AMZ2: variants seen among roughly 807,000 people sequenced by gnomAD.
AMZ2 encodes archaemetzincin-2.
In AMZ2, 26 loss-of-function variants were observed where a neutral mutation model predicts 36.7. The observed-to-expected ratio is 0.71, with a 90% CI of 0.52 to 0.98. The LOEUF is 0.98. AMZ2 is among the 50% of genes least tolerant of loss of function. AMZ2 has a pLI of 0.00. For synonymous variants in AMZ2, 144 were observed against 149.1 expected (o/e 0.97, Z 0.25); for missense variants, 394 against 430.5 (o/e 0.92, Z 0.75).
intron 1 of AMZ2, among the ~76,000 whole-genome samples, chr17:68,220,782 C>T (rs868940174): frequency 4.6e-5 from 6 of 131,812 alleles, no homozygotes; most frequent in East Asian, 2.2e-4. Flanking sequence ...TTTTCTTTCT[C>T]TTTTTTTTTT....
chr17:68,237,067 T>A (rs2073806909), intron 1 of AMZ2, among the ~76,000 whole-genome samples: 1 of 152,246 alleles, frequency 6.6e-6, no homozygotes, highest in Non-Finnish European at 1.5e-5. Flanking sequence ...AGAGCATAAC[T>A]TTATTGAACT....
chr17:68,252,327 A>C (rs1456236690), intron 4 of AMZ2, among the ~76,000 whole-genome samples: 5 of 152,130 alleles, frequency 3.3e-5, no homozygotes, highest in Non-Finnish European at 7.4e-5. Flanking sequence ...TTTATTCTTT[A>C]TTCTCCATTT....
upstream of AMZ2, chr17:68,247,984 G>T: frequency 1.0e-6 from 1 of 984,666 alleles, no homozygotes; most frequent in Non-Finnish European, 1.2e-6. Context: ...GGGCGTGCGC[G>T]ACGCAGCGGC....
intron 1 of AMZ2, among the ~76,000 whole-genome samples, chr17:68,233,739 T>G (rs4968788): frequency 0.13 from 19,114 of 150,528 alleles, 1,568 homozygotes; most frequent in East Asian, 0.32. Context: ...TATTTTTTTT[T>G]GGGACAGGGT....
chr17:68,230,499 T>A (rs1555730971), intron 1 of AMZ2, among the ~76,000 whole-genome samples: 1 of 152,214 alleles, frequency 6.6e-6, no homozygotes, highest in East Asian at 1.9e-4. Flanking sequence ...AGTGGAGTGA[T>A]CTATAGAGGG....
At position 68,237,160 on chromosome 17, in the gene AMZ2, T is replaced by C. The variant is rs537421865; in HGVS notation, c.-66-11480T>C. ...CACTGTGATGAGCCATCCTTATACA[T>C]GGATTCTTTCTGGAATAAGAAATAA... On this transcript the variant is annotated intron_variant, in intron 1 of 7. Coordinates refer to the AMZ2 transcript ENST00000674770. Among the ~76,000 whole-genome samples, 6 of 152,326 alleles carry C rather than the reference T, an allele frequency of 3.9e-5. No homozygotes were observed. In the East Asian group the frequency reaches 7.7e-4, roughly 20 times the overall value.
chr17:68,248,776 G>T (rs1555737361), intron 1 of AMZ2, 71 bp downstream of exon 1: 2 of 994,340 alleles, frequency 2.0e-6, no homozygotes, highest in Non-Finnish European at 2.4e-6. Flanking sequence ...CAGCCCAGTT[G>T]TGTAGGAGTG....
chr17:68,254,445 T>C lies in AMZ2; in HGVS notation c.628T>C (p.Tyr210His). ...CTTTGCCAGGTATGGCAGTGATTTT[T>C]ATAGCATGCACTATAAAGGCAAAGT... The part of the protein sequence containing the change: ...FSFARYGSDF[Y>H]SMHYKGKVKK... The change falls in exon 5 of 7, where the codon TAT becomes CAT. Residue 210 changes from tyrosine to histidine, a missense_variant. Physicochemically the swap from Tyr to His is moderately conservative, Grantham distance 83 (BLOSUM62 2). Transcript: ENST00000359904. 1 of 1,613,430 alleles carries C rather than the reference T, an allele frequency of 6.2e-7. No individual in the cohort carries two copies. The highest frequency in any genetic ancestry group is 1.1e-5 in the South Asian group (1 of 90,956).
intron 1 of AMZ2, among the ~76,000 whole-genome samples, chr17:68,225,716 C>T (rs1205367443): frequency 6.6e-6 from 1 of 151,914 alleles, no homozygotes; most frequent in African/African-American, 2.4e-5. Context: ...TCACCATAAC[C>T]TCCGCCTCCC....
intron 1 of AMZ2, chr17:68,249,916 G>A (rs2074317792): frequency 7.2e-6 from 3 of 418,020 alleles, no homozygotes; most frequent in Non-Finnish European, 1.3e-5. Context: ...TGAAATTACA[G>A]GCATGAGCCA....
At position 68,235,906 on chromosome 17, in the gene AMZ2, T is replaced by G. The variant is rs1555732436; in HGVS notation, c.-66-12734T>G. ...ATGCAGTGGCACAATCTTGGCTCAC[T>G]GCAACCTCCATCTCCCGGGCTCAAG... On this transcript the variant is annotated intron_variant, in intron 1 of 7. Coordinates refer to the AMZ2 transcript ENST00000674770. This position sits in a 1 kb window ranked among gnomAD's most constrained non-coding sequence, Gnocchi z 4.2. Among the ~76,000 whole-genome samples, 2 of 152,080 alleles carry G rather than the reference T, an allele frequency of 1.3e-5. No individual in the cohort carries two copies. The highest frequency in any genetic ancestry group is 1.5e-5 in the Non-Finnish European group (1 of 68,000).
chr17:68,243,705 C>T (rs1260022152), upstream of AMZ2, among the ~76,000 whole-genome samples: 2 of 152,154 alleles, frequency 1.3e-5, no homozygotes, highest in Non-Finnish European at 2.9e-5. Flanking sequence ...TGTTTATACA[C>T]CGTTCTGCCA....
upstream of AMZ2, among the ~76,000 whole-genome samples, chr17:68,243,627 C>T (rs2073947158): frequency 6.6e-6 from 1 of 152,078 alleles, no homozygotes. Flanking sequence ...CTTATTGGGT[C>T]AATAGGTATG....
intron 1 of AMZ2, among the ~76,000 whole-genome samples, chr17:68,212,939 C>A (rs1191084014): frequency 6.6e-6 from 1 of 152,156 alleles, no homozygotes; most frequent in Non-Finnish European, 1.5e-5. Flanking sequence ...CTTTCTACCT[C>A]ATTTGGACTC....
rs1555732409 is a variant in AMZ2 at position 68,235,845 on chromosome 17, TTC to T, written c.-66-12794_-66-12793del. ...GCCCAAAATCTTACTTTTTTTTTTT[TTC>T]GAGATAGTTTCTCACTTGGTCCACC... On this transcript the variant is annotated intron_variant, in intron 1 of 7. Transcript: ENST00000674770. The surrounding 1 kb of genome is among the most constrained non-coding windows in gnomAD (Gnocchi z 4.2). Among the ~76,000 whole-genome samples the T allele has an allele frequency of 6.7e-6, 1 of 148,592 alleles. No individual in the cohort carries two copies. Among genetic ancestry groups the T allele is most frequent in the Non-Finnish European group, 1.5e-5 (1 of 66,410 alleles).
In AMZ2 at chr17:68,250,338, A is replaced by G. The variant is rs782813901; in HGVS notation, c.151A>G (p.Ile51Val). Residue 51 changes from isoleucine to valine, a missense_variant, in exon 2 of 7, where the codon ATT becomes GTT. Ile to Val is a conservative substitution (Grantham distance 29, BLOSUM62 3). Coordinates refer to ENST00000359904, the MANE Select transcript of AMZ2 (RefSeq NM_016627.5). ...FQPASDLFGP[I>V]TLHSPSDWIT... ...GCCAGCCAGTGATCTCTTTGGACCC[A>G]TTACCTTGCATTCTCCATCAGATTG... The G allele has an allele frequency of 4.3e-6, 7 of 1,614,078 alleles. No individual in the cohort carries two copies. The highest frequency in any genetic ancestry group is 5.9e-6 in the Non-Finnish European group (7 of 1,180,034).
At position 68,256,931 on chromosome 17, in the gene AMZ2, G is replaced by A. The variant is rs149932169; in HGVS notation, c.1045G>A (p.Glu349Lys). ...KPVEAFKEWKEWIIKCLAVLQ... is the reference protein window; with the variant it reads ...KPVEAFKEWKKWIIKCLAVLQ... ...CGTGGAAGCCTTTAAGGAATGGAAA[G>A]AGTGGATAATAAAATGCCTGGCTGT... Residue 349 changes from glutamate (E) to lysine (K), a missense_variant, in exon 7 of 7, where the codon GAG becomes AAG. Physicochemically the swap from Glu to Lys is moderately conservative, Grantham distance 56 (BLOSUM62 1). Transcript: ENST00000359904. The A allele has an allele frequency of 2.3e-4, 369 of 1,614,060 alleles. No homozygotes were observed. In the African/African-American group the frequency reaches 4.2e-3, roughly 18 times the overall value.
intron 1 of AMZ2, among the ~76,000 whole-genome samples, chr17:68,237,764 C>G (rs1445567724): frequency 6.6e-6 from 1 of 152,208 alleles, no homozygotes; most frequent in African/African-American, 2.4e-5. Flanking sequence ...TCAGTCCAAT[C>G]AGACACCTGC....
chr17:68,224,967 C>T (rs1231225334), intron 1 of AMZ2, among the ~76,000 whole-genome samples: 2 of 151,064 alleles, frequency 1.3e-5, no homozygotes, highest in Non-Finnish European at 2.9e-5. Context: ...CACCTGAGGT[C>T]GGGAGTTCGA....
Sources: gnomAD v4.1 joint callset for allele counts (sites outside exome capture counted in the v4.1 genomes callset) on GRCh38, gnomAD v4.1.1 for gene constraint, Gnocchi (gnomAD v3.1) non-coding constraint, MANE v1.5 for transcripts, NCBI Gene and HGNC (gene_info 2026-07-23, HGNC 2026-07-21) for gene names.